The following FBLN1 variants were observed in gnomAD, a reference collection of about 807,000 sequenced individuals.
FBLN1 encodes the protein fibulin 1.
Under a neutral mutation model 89.7 loss-of-function variants are expected in FBLN1, and 34 were observed. That is an observed-to-expected ratio of 0.38 (90% CI 0.29 to 0.50). The LOEUF (loss-of-function observed/expected upper bound fraction) is 0.50. Among genes scored for constraint, FBLN1 ranks in the 20% least tolerant of loss-of-function variants. The probability of loss-of-function intolerance (pLI) is 0.92; values close to 1 mark genes in which losing one functional copy is unlikely to be tolerated. For missense variants in FBLN1, 777 were observed against 988.1 expected, an observed-to-expected ratio of 0.79 and a Z score of 2.86; for synonymous variants, 393 against 391.3, an observed-to-expected ratio of 1.00 and a Z score of -0.05.
chr22:45,534,912 A>G (rs1317049808), intron 7 of FBLN1, among the ~76,000 whole-genome samples: 1 of 152,230 alleles, frequency 6.6e-6, no homozygotes, highest in African/African-American at 2.4e-5. Flanking sequence ...GCCTGAATGA[A>G]TACTAATATA....
intron 14 of FBLN1, among the ~76,000 whole-genome samples, chr22:45,570,993 C>A (rs1310369919): frequency 1.3e-5 from 2 of 150,918 alleles, no homozygotes; most frequent in Non-Finnish European, 2.9e-5. Context: ...TGGTGGTGCA[C>A]GTCTGTAATC....
intron 14 of FBLN1, among the ~76,000 whole-genome samples, chr22:45,555,497 C>T (rs1010259314): frequency 5.3e-5 from 8 of 151,936 alleles, no homozygotes; most frequent in African/African-American, 1.9e-4. Flanking sequence ...GGAGGCTAGG[C>T]CAGTCTCTCT....
At chr22:45,570,058 C>T (rs1379048719) in intron 14 of FBLN1, among the ~76,000 whole-genome samples, 2 of 151,674 alleles carry the variant, frequency 1.3e-5, no homozygotes, top group African/African-American at 4.8e-5. Flanking sequence ...GGGCCGGGTG[C>T]CCTGTAATCC....
intron 1 of FBLN1, among the ~76,000 whole-genome samples, chr22:45,505,434 G>T (rs1416767842): frequency 1.3e-5 from 2 of 152,210 alleles, no homozygotes; most frequent in Non-Finnish European, 2.9e-5. Flanking sequence ...GTGCCATGGG[G>T]GTCAGGGCTG....
rs1248422525 is a variant in FBLN1 at position 45,532,350 on chromosome 22, TG to T, written c.545-712del. 6.6e-6 allele frequency among the ~76,000 whole-genome samples: 1 copy of T among 151,940 alleles called. No homozygotes were observed. Among genetic ancestry groups the T allele is most frequent in the Non-Finnish European group, 1.5e-5 (1 of 67,956 alleles). ...CGGTCCTCAGGGAGACCTGAAGCCTTGTAAAGGGCACGGACCCACTGTAGCA... is the reference window on the plus strand; with the variant it reads ...CGGTCCTCAGGGAGACCTGAAGCCTTTAAAGGGCACGGACCCACTGTAGCA... On this transcript the variant is annotated intron_variant, in intron 5 of 16. Transcript: ENST00000327858. This position sits in a 1 kb window ranked among gnomAD's most constrained non-coding sequence, Gnocchi z 4.2.
At chr22:45,586,629 G>A (rs1274188456) in intron 16 of FBLN1, among the ~76,000 whole-genome samples, 3 of 152,324 alleles carry the variant, frequency 2.0e-5, no homozygotes, top group Admixed American at 6.5e-5. Flanking sequence ...TCCATCTCCC[G>A]TGCCTGCTTG....
intron 2 of FBLN1, among the ~76,000 whole-genome samples, chr22:45,524,372 G>A (rs939250659): frequency 1.3e-5 from 2 of 152,316 alleles, no homozygotes; most frequent in Non-Finnish European, 2.9e-5. Flanking sequence ...TTTGGAGCCC[G>A]CCCACGCCAG....
At chr22:45,548,030 G>A (rs2088653945) in intron 12 of FBLN1, among the ~76,000 whole-genome samples, 2 of 152,148 alleles carry the variant, frequency 1.3e-5, no homozygotes, top group Admixed American at 1.3e-4. Flanking sequence ...CCATTTTCAT[G>A]TAAGGTGTGT....
rs1381088452 is a variant in FBLN1, at chr22:45,576,032, C to T, written c.1841-945C>T. On this transcript the variant is annotated intron_variant, in intron 15 of 16. Coordinates refer to ENST00000327858, the MANE Select transcript of FBLN1 (RefSeq NM_006486.3). This position sits in a 1 kb window ranked among gnomAD's most constrained non-coding sequence, Gnocchi z 5.2. ...CACCAGTGTTTACACCATGACACAA[C>T]CATGCGGGGGGGTGGGGGGAGGAGA... Among the ~76,000 whole-genome samples, 11 of 151,650 alleles carry T rather than the reference C, an allele frequency of 7.3e-5. No homozygotes were observed. Among genetic ancestry groups the T allele is most frequent in the Non-Finnish European group, 1.2e-4 (8 of 67,986 alleles).
chr22:45,525,764 C>T, intron 3 of FBLN1, 86 bp downstream of exon 3: 1 of 1,516,780 alleles, frequency 6.6e-7, no homozygotes, highest in Admixed American at 2.0e-5. Context: ...CACTGTCTGT[C>T]AGCGCTCCCT....
Position 45,550,679 on chromosome 22 carries a change from CGGGT to C in FBLN1, c.1697+73_1697+76del. 6.2e-7 allele frequency: 1 copy of C among 1,612,174 alleles called. No individual in the cohort carries two copies. Among genetic ancestry groups the C allele is most frequent in the Non-Finnish European group, 8.5e-7 (1 of 1,178,950 alleles). On this transcript the variant is annotated intron_variant, in intron 14 of 16. Transcript: ENST00000327858. This position sits in a 1 kb window ranked among gnomAD's most constrained non-coding sequence, Gnocchi z 8.4. ...TTGGCCTTCCTGGTGACCCAGTTCC[CGGGT>C]GGGTGGGTTATCAGGCTGTGACCTC...
chr22:45,564,801 T>G, intron 14 of FBLN1: 3 of 1,561,046 alleles, frequency 1.9e-6, no homozygotes, highest in Admixed American at 1.8e-5. Context: ...CAATGTCTGT[T>G]CAGGGAACAG....
At chr22:45,595,534 G>C (rs1248416387) in intron 16 of FBLN1, among the ~76,000 whole-genome samples, 1 of 152,100 alleles carries the variant, frequency 6.6e-6, no homozygotes, top group Admixed American at 6.5e-5. Flanking sequence ...CTAGTTGCTC[G>C]TCTCACCACG....
At chr22:45,519,701 C>T (rs2088222683) in intron 2 of FBLN1, among the ~76,000 whole-genome samples, 1 of 152,032 alleles carries the variant, frequency 6.6e-6, no homozygotes. Context: ...AGTGAAAACC[C>T]CAGAATGCCC....
chr22:45,574,802 G>C lies in FBLN1; in HGVS notation c.1840+149G>C. On this transcript the variant is annotated intron_variant, in intron 15 of 16. Transcript: ENST00000327858. The surrounding 1 kb of genome is among the most constrained non-coding windows in gnomAD (Gnocchi z 4.1). ...CTTTTTTTTTTTTTTTTTTTTTTGA[G>C]ACGGAGTCTCGCTCTGTCGCCCGGG... 3.1e-6 allele frequency: 2 copies of C among 639,442 alleles called. No homozygotes were observed. The highest frequency in any genetic ancestry group is 4.9e-6 in the Non-Finnish European group (2 of 404,762). 39.6% of individuals were successfully genotyped at this position (639,442 alleles called of 1,614,324 possible). A position where few individuals can be genotyped will look rare whatever the true frequency, so the allele number is the denominator to read the frequency against.
At chr22:45,596,900 CAT>C (rs1250367601) in intron 16 of FBLN1, among the ~76,000 whole-genome samples, 2 of 147,744 alleles carry the variant, frequency 1.4e-5, no homozygotes, top group African/African-American at 4.9e-5. Flanking sequence ...ATAAATTTGA[CAT>C]ACTTTATAAC....
intron 11 of FBLN1, 110 bp downstream of exon 11, chr22:45,543,636 T>A (rs1945093029): frequency 7.2e-7 from 1 of 1,389,516 alleles, no homozygotes. Flanking sequence ...CCCTGTTAAA[T>A]GACATGTTAG....
Position 45,556,219 on chromosome 22 carries a change from C to T in FBLN1, c.1697+5604C>T, listed in dbSNP as rs1024091104. Reference sequence around the variant, plus strand: ...CCATGTGGGTCAGGCTGGTCTTGAGCTCCTGACCTCAAGTGATCCTCCCGC... The same window carrying T: ...CCATGTGGGTCAGGCTGGTCTTGAGTTCCTGACCTCAAGTGATCCTCCCGC... On this transcript the variant is annotated intron_variant, in intron 14 of 16. Coordinates refer to ENST00000327858, the MANE Select transcript of FBLN1 (RefSeq NM_006486.3). This position sits in a 1 kb window ranked among gnomAD's most constrained non-coding sequence, Gnocchi z 4.6. Among the ~76,000 whole-genome samples, 2 of 152,186 alleles carry T rather than the reference C, an allele frequency of 1.3e-5. No individual in the cohort carries two copies. The highest frequency in any genetic ancestry group is 4.8e-5 in the African/African-American group (2 of 41,436).
chr22:45,573,134 G>A (rs1321588809), intron 14 of FBLN1, among the ~76,000 whole-genome samples: 1 of 152,098 alleles, frequency 6.6e-6, no homozygotes, highest in African/African-American at 2.4e-5. Flanking sequence ...GCTGAGGCAG[G>A]AGAATTGCTT....
Sources: allele counts gnomAD v4.1 joint callset (sites outside exome capture counted in the v4.1 genomes callset), GRCh38; gene constraint gnomAD v4.1.1; non-coding constraint Gnocchi (gnomAD v3.1); transcripts MANE v1.5; gene names NCBI Gene and HGNC (gene_info 2026-07-23, HGNC 2026-07-21).